HNF4G: variants seen among roughly 807,000 people sequenced by gnomAD.
The protein encoded by HNF4G is hepatocyte nuclear factor 4 gamma.
Under a neutral mutation model 50.9 loss-of-function variants are expected in HNF4G, and 21 were observed. The observed-to-expected ratio is 0.41, with a 90% confidence interval of 0.29 to 0.59. The LOEUF (loss-of-function observed/expected upper bound fraction) is 0.59. Among genes scored for constraint, HNF4G ranks in the 20% least tolerant of loss-of-function variants. The pLI is 0.26. For synonymous variants in HNF4G, 198 were observed against 185.6 expected (o/e 1.07, Z -0.54); for missense variants, 527 against 559.4 (o/e 0.94, Z 0.58).
chr8:75,516,404 T>C (rs1805890141), intron 2 of HNF4G, among the ~76,000 whole-genome samples: 1 of 152,224 alleles, frequency 6.6e-6, no homozygotes, highest in South Asian at 2.1e-4. Flanking sequence ...TATTTCTAGT[T>C]TAATTTTGTC....
chr8:75,566,676 T>G lies in HNF4G; in HGVS notation c.*2580T>G, dbSNP rs890273599. Reference sequence around the variant, plus strand: ...AATAATTTATTGTGAAATAATTCATTTTATAAATGTATAATTATTTTTATA... The same window carrying G: ...AATAATTTATTGTGAAATAATTCATGTTATAAATGTATAATTATTTTTATA... On this transcript the variant is annotated 3_prime_UTR_variant, in exon 10 of 10. Coordinates refer to ENST00000396423, the MANE Select transcript of HNF4G (RefSeq NM_004133.5). 1 of 152,428 alleles carries G rather than the reference T, an allele frequency of 6.6e-6. No homozygotes were observed. The highest frequency in any genetic ancestry group is 2.4e-5 in the African/African-American group (1 of 41,448). The allele number at this position is 152,428 out of a possible 1,614,324, so 9.4% of individuals were successfully genotyped here. A position where few individuals can be genotyped will look rare whatever the true frequency, so the allele number is the denominator to read the frequency against.
intron 8 of HNF4G, among the ~76,000 whole-genome samples, chr8:75,559,398 G>T (rs2977943): frequency 1.3e-5 from 2 of 151,846 alleles, no homozygotes; most frequent in South Asian, 4.2e-4. Flanking sequence ...TTCAGCCTCC[G>T]GAGTAGCTGG....
At chr8:75,547,392 G>T (rs558161202) in intron 2 of HNF4G, among the ~76,000 whole-genome samples, 195 bp from the exon 3 acceptor site, 1 of 152,344 alleles carries the variant, frequency 6.6e-6, no homozygotes, top group East Asian at 1.9e-4. Context: ...TTACTATAAA[G>T]ACTAAGTGAG....
At chr8:75,542,632 A>G (rs1165964554) in intron 1 of HNF4G, among the ~76,000 whole-genome samples, 1 of 151,532 alleles carries the variant, frequency 6.6e-6, no homozygotes, top group African/African-American at 2.4e-5. Context: ...GGGGAGTTTT[A>G]CGGGGGTTTG....
intron 1 of HNF4G, 59 bp from the exon 2 acceptor site, chr8:75,543,752 G>A: frequency 7.1e-7 from 1 of 1,402,588 alleles, no homozygotes; most frequent in Non-Finnish European, 9.8e-7. Context: ...TAATTAGTAG[G>A]ACAATTTAGT....
intron 1 of HNF4G, among the ~76,000 whole-genome samples, chr8:75,433,313 C>T (rs955407752): frequency 2.0e-5 from 3 of 150,148 alleles, no homozygotes; most frequent in African/African-American, 7.4e-5. Context: ...GAGGCTGAGG[C>T]AGAGGATCGC....
chr8:75,492,548 C>T (rs1272689504), intron 2 of HNF4G, among the ~76,000 whole-genome samples: 3 of 152,178 alleles, frequency 2.0e-5, no homozygotes, highest in Admixed American at 2.0e-4. Context: ...TGATGGCCTT[C>T]ACCACAACTT....
At chr8:75,563,739 GA>G (rs35317176) in intron 9 of HNF4G, among the ~76,000 whole-genome samples, 11,807 of 151,984 alleles carry the variant, frequency 0.078, 478 homozygotes, top group Middle Eastern at 0.12. Context: ...AAGTAACTAT[GA>G]AAAAAATTTT....
At chr8:75,449,546 G>T (rs1183224417) in intron 1 of HNF4G, among the ~76,000 whole-genome samples, 2 of 124,264 alleles carry the variant, frequency 1.6e-5, no homozygotes, top group African/African-American at 6.5e-5. Flanking sequence ...TCACTCTGTC[G>T]CCCAGGCTGT....
At chr8:75,502,890 T>C (rs1360323025) in intron 2 of HNF4G, among the ~76,000 whole-genome samples, 1 of 152,200 alleles carries the variant, frequency 6.6e-6, no homozygotes, top group East Asian at 1.9e-4. Context: ...AGTAGTCCAA[T>C]ATACGATGAT....
intron 1 of HNF4G, among the ~76,000 whole-genome samples, chr8:75,479,770 A>G (rs1303028739): frequency 6.6e-6 from 1 of 152,168 alleles, no homozygotes; most frequent in Non-Finnish European, 1.5e-5. Context: ...ATATGAAAAA[A>G]AAAGAACATT....
intron 1 of HNF4G, among the ~76,000 whole-genome samples, chr8:75,481,647 A>G (rs916466532): frequency 2.0e-5 from 3 of 152,172 alleles, no homozygotes; most frequent in Non-Finnish European, 4.4e-5. Context: ...ACTTTCTAGG[A>G]TGTACACATT....
At chr8:75,519,490 T>A (rs945697962) in intron 2 of HNF4G, among the ~76,000 whole-genome samples, 1 of 152,166 alleles carries the variant, frequency 6.6e-6, no homozygotes, top group African/African-American at 2.4e-5. Flanking sequence ...TACCCGAGAC[T>A]GGGTAATTTA....
At position 75,558,825 on chromosome 8, in the gene HNF4G, T is replaced by A; in HGVS notation, c.911T>A (p.Val304Glu). The change falls in exon 8 of 10, where the codon GTA becomes GAA. Residue 304 changes from valine to glutamate, a missense_variant. Around this residue, in one of 5 missense-constraint regions of HNF4G, gnomAD observed 308 missense variants for 301.5 expected, o/e 1.02. Coordinates refer to ENST00000396423, the MANE Select transcript of HNF4G (RefSeq NM_004133.5). The part of the protein sequence containing the change: ...DPDAKGLSDP[V>E]KIKNMRFQVQ... ...GATGCAAAAGGGCTAAGCGATCCAG[T>A]AAAAATTAAGAACATGAGGTTCCAA... 1.2e-6 allele frequency: 2 copies of A among 1,614,018 alleles called. No homozygotes were observed. Among genetic ancestry groups the A allele is most frequent in the Non-Finnish European group, 1.7e-6 (2 of 1,179,940 alleles).
At chr8:75,516,336 T>G (rs80107925) in intron 2 of HNF4G, among the ~76,000 whole-genome samples, 1 of 152,346 alleles carries the variant, frequency 6.6e-6, no homozygotes, top group South Asian at 2.1e-4. Context: ...GGGTTATTTC[T>G]TGTTGTTGTT....
chr8:75,530,773 T>C (rs1250436189), intron 2 of HNF4G, among the ~76,000 whole-genome samples: 2 of 146,890 alleles, frequency 1.4e-5, no homozygotes, highest in African/African-American at 5.1e-5. Context: ...CAGAAGACAG[T>C]GGCAGGCATT....
At chr8:75,541,620 C>A (rs1051924627) in intron 1 of HNF4G, among the ~76,000 whole-genome samples, 15 of 151,904 alleles carry the variant, frequency 9.9e-5, no homozygotes, top group Non-Finnish European at 1.9e-4. Flanking sequence ...ACATGACAAC[C>A]TTTAGTATTA....
chr8:75,556,309 G>A (rs931027311), intron 6 of HNF4G, among the ~76,000 whole-genome samples: 3 of 152,048 alleles, frequency 2.0e-5, no homozygotes, highest in Admixed American at 6.6e-5. Flanking sequence ...AAAAAGAGAT[G>A]TTGCTCAATA....
In HNF4G at chr8:75,564,234, T is replaced by G. The variant is rs1807399874; in HGVS notation, c.*138T>G. 1.3e-6 allele frequency: 1 copy of G among 789,364 alleles called. No homozygotes were observed. Among genetic ancestry groups the G allele is most frequent in the Non-Finnish European group, 2.0e-6 (1 of 501,036 alleles). The allele number at this position is 789,364 out of a possible 1,614,324, so 48.9% of individuals were successfully genotyped here. A position where few individuals can be genotyped will look rare whatever the true frequency, so the allele number is the denominator to read the frequency against. On this transcript the variant is annotated 3_prime_UTR_variant, in exon 10 of 10. Coordinates refer to ENST00000396423, the MANE Select transcript of HNF4G (RefSeq NM_004133.5). ...GTTATAAGATGGTGTCCTATTTTCT[T>G]GTTTATACGTTCATTCTGTTTGTTA...
Sources: gnomAD v4.1 joint callset for allele counts (sites outside exome capture counted in the v4.1 genomes callset) on GRCh38, gnomAD v4.1.1 for gene constraint, gnomAD v4.1.1 regional missense constraint, MANE v1.5 for transcripts, NCBI Gene and HGNC (gene_info 2026-07-23, HGNC 2026-07-21) for gene names.